The following GNAZ variants were observed in gnomAD, a reference collection of about 807,000 sequenced individuals.
The protein encoded by GNAZ is guanine nucleotide-binding protein G(z) subunit alpha.
In GNAZ, 3 loss-of-function variants were observed where a neutral mutation model predicts 25.4. The observed-to-expected ratio is 0.12, with a 90% confidence interval of 0.05 to 0.30. The LOEUF (loss-of-function observed/expected upper bound fraction) is 0.30, where lower values mean the gene tolerates loss of function less well. Ranked by LOEUF, GNAZ falls within the 10% of genes least tolerant of loss-of-function variation. The pLI, the probability that GNAZ is intolerant of heterozygous loss-of-function variation, is 1.00. For missense variants in GNAZ, 241 were observed against 501.8 expected, an observed-to-expected ratio of 0.48 and a Z score of 4.97; for synonymous variants, 211 against 205.7, an observed-to-expected ratio of 1.03 and a Z score of -0.22.
chr22:23,103,534 G>A (rs374257085), intron 2 of GNAZ, among the ~76,000 whole-genome samples: 8 of 152,248 alleles, frequency 5.3e-5, no homozygotes, highest in South Asian at 2.1e-4. Context: ...TGTTTACCCC[G>A]CTGGAGAAAG....
chr22:23,111,419 T>C (rs1026739707), intron 2 of GNAZ, among the ~76,000 whole-genome samples: 1 of 152,164 alleles, frequency 6.6e-6, no homozygotes, highest in Non-Finnish European at 1.5e-5. Context: ...CTCAAGTGCT[T>C]GGGACAGGGC....
rs147569934 is a variant in GNAZ, at chr22:23,100,482, T to C, written c.723+4064T>C. ...GACGGGGGACATAAGAACATGCCTT[T>C]TGTGGGGCAAGTTCTGCAGGTGGCA... On this transcript the variant is annotated intron_variant, in intron 2 of 2. Coordinates refer to ENST00000615612, the MANE Select transcript of GNAZ (RefSeq NM_002073.4). Among the ~76,000 whole-genome samples the C allele has an allele frequency of 8.5e-5, 13 of 152,286 alleles. No individual in the cohort carries two copies. The East Asian group carries it at 2.5e-3, about 29-fold the overall frequency.
chr22:23,110,439 A>G (rs983071240), intron 2 of GNAZ, among the ~76,000 whole-genome samples: 10 of 152,206 alleles, frequency 6.6e-5, no homozygotes, highest in African/African-American at 2.2e-4. Flanking sequence ...ATGGTGCTCC[A>G]GCCAGGAACA....
chr22:23,105,645 T>C (rs2069447108), intron 2 of GNAZ, among the ~76,000 whole-genome samples: 1 of 152,234 alleles, frequency 6.6e-6, no homozygotes, highest in African/African-American at 2.4e-5. Context: ...CACACTGTGC[T>C]TTCTTCGCAT....
chr22:23,100,587 T>G (rs1389656620), intron 2 of GNAZ, among the ~76,000 whole-genome samples: 2 of 152,224 alleles, frequency 1.3e-5, no homozygotes, highest in East Asian at 3.8e-4. Flanking sequence ...GGCCATTGGC[T>G]TCCTGAGGAA....
intron 2 of GNAZ, among the ~76,000 whole-genome samples, chr22:23,118,856 AC>A (rs1478434589): frequency 6.6e-6 from 1 of 152,128 alleles, no homozygotes; most frequent in Non-Finnish European, 1.5e-5. Context: ...GGAGGGCAAA[AC>A]CCCATGCAGG....
At chr22:23,117,168 G>A (rs2069866040) in intron 2 of GNAZ, among the ~76,000 whole-genome samples, 1 of 152,152 alleles carries the variant, frequency 6.6e-6, no homozygotes, top group Non-Finnish European at 1.5e-5. Flanking sequence ...GTAACTGGAA[G>A]AGCCTGGTAC....
At chr22:23,085,449 C>T (rs1252546592) in intron 1 of GNAZ, among the ~76,000 whole-genome samples, 3 of 152,134 alleles carry the variant, frequency 2.0e-5, no homozygotes, top group African/African-American at 7.2e-5. Flanking sequence ...ATCAGTTGCC[C>T]ATACAGATCT....
rs1399572774 is a variant in GNAZ at position 23,124,503 on chromosome 22, T to C, written c.*1072T>C. On this transcript the variant is annotated 3_prime_UTR_variant, in exon 3 of 3. Transcript: ENST00000615612. ...CTTGTTAATGGTGGGGTTTTCTGCT[T>C]TGTTTTTATTTAAGAAAATAAACAC... is the stretch of plus-strand genomic sequence containing the variant. The C allele has an allele frequency of 2.8e-6, 1 of 361,334 alleles. No individual in the cohort carries two copies. Among genetic ancestry groups the C allele is most frequent in the Non-Finnish European group, 5.9e-6 (1 of 168,168 alleles). The allele number at this position is 361,334 out of a possible 1,614,324, so 22.4% of individuals were successfully genotyped here. A position where few individuals can be genotyped will look rare whatever the true frequency, so the allele number is the denominator to read the frequency against.
At chr22:23,110,902 C>T (rs1440800835) in intron 2 of GNAZ, among the ~76,000 whole-genome samples, 1 of 152,246 alleles carries the variant, frequency 6.6e-6, no homozygotes, top group African/African-American at 2.4e-5. Context: ...TCCCTGCCCA[C>T]CATCTTTCTT....
intron 1 of GNAZ, among the ~76,000 whole-genome samples, chr22:23,072,039 C>G (rs1258889774): frequency 6.6e-6 from 1 of 152,084 alleles, no homozygotes; most frequent in Non-Finnish European, 1.5e-5. Flanking sequence ...CGAAGCAGTT[C>G]CATGACCCCA....
Position 23,072,951 on chromosome 22 carries a change from C to T in GNAZ, c.-450+2381C>T, listed in dbSNP as rs555145357. On this transcript the variant is annotated intron_variant, in intron 1 of 2. Coordinates refer to ENST00000615612, the MANE Select transcript of GNAZ (RefSeq NM_002073.4). ...TTTGCAGGTAACTGGATTGACTTCA[C>T]AAGGGCTGCCCAGGGCCCCCGCAGA... 8.5e-5 allele frequency among the ~76,000 whole-genome samples: 13 copies of T among 152,326 alleles called. No individual in the cohort carries two copies. In the East Asian group the frequency reaches 1.9e-3, roughly 23 times the overall value.
At chr22:23,093,112 T>C (rs2069032770) in intron 1 of GNAZ, among the ~76,000 whole-genome samples, 1 of 152,230 alleles carries the variant, frequency 6.6e-6, no homozygotes. Context: ...ATTACACATA[T>C]CATGTACATG....
intron 1 of GNAZ, among the ~76,000 whole-genome samples, chr22:23,084,899 C>T (rs1197033150): frequency 2.0e-5 from 3 of 152,228 alleles, no homozygotes; most frequent in Non-Finnish European, 4.4e-5. Flanking sequence ...ACCCTACCAT[C>T]GCATGTCCAG....
chr22:23,077,452 G>A (rs922474855), intron 1 of GNAZ, among the ~76,000 whole-genome samples: 2 of 152,158 alleles, frequency 1.3e-5, no homozygotes, highest in Non-Finnish European at 1.5e-5. Context: ...CTACAAGGCC[G>A]GGAGCCTCCT....
At chr22:23,077,468 A>G (rs2068538177) in intron 1 of GNAZ, among the ~76,000 whole-genome samples, 1 of 152,174 alleles carries the variant, frequency 6.6e-6, no homozygotes, top group Non-Finnish European at 1.5e-5. Flanking sequence ...CTCCTCTTGG[A>G]TGTACACCTG....
intron 2 of GNAZ, among the ~76,000 whole-genome samples, chr22:23,111,782 G>A (rs1004386990): frequency 6.6e-6 from 1 of 152,188 alleles, no homozygotes; most frequent in Non-Finnish European, 1.5e-5. Flanking sequence ...AGGCTCCACA[G>A]GGCAAGCCCC....
chr22:23,120,292 C>T (rs959407250), intron 2 of GNAZ, among the ~76,000 whole-genome samples: 1 of 152,178 alleles, frequency 6.6e-6, no homozygotes, highest in Non-Finnish European at 1.5e-5. Flanking sequence ...CACCCCAGGA[C>T]TCACGGGGGC....
chr22:23,119,395 CT>C (rs2069942064), intron 2 of GNAZ, among the ~76,000 whole-genome samples: 1 of 152,222 alleles, frequency 6.6e-6, no homozygotes, highest in African/African-American at 2.4e-5. Flanking sequence ...GGTCAGGGTC[CT>C]GACTTTGTAA....
Sources: allele counts gnomAD v4.1 joint callset (sites outside exome capture counted in the v4.1 genomes callset), GRCh38; gene constraint gnomAD v4.1.1; transcripts MANE v1.5; gene names NCBI Gene and HGNC (gene_info 2026-07-23, HGNC 2026-07-21).